The following MGLL variants were observed in gnomAD, a reference collection of about 807,000 sequenced individuals.
MGLL encodes monoglyceride lipase, also known as lysophospholipase homolog.
A neutral mutation model predicts 29.1 loss-of-function variants in MGLL; 7 were observed. That is an observed-to-expected ratio of 0.24 (90% CI 0.14 to 0.45). MGLL has a LOEUF of 0.45. Among genes scored for constraint, MGLL ranks in the 20% least tolerant of loss-of-function variants. MGLL has a pLI of 0.99. For synonymous variants in MGLL, 148 were observed against 168.3 expected, an observed-to-expected ratio of 0.88 and a Z score of 0.93; for missense variants, 356 against 413.6, an observed-to-expected ratio of 0.86 and a Z score of 1.21.
chr3:127,817,772 C>T (rs752895845), intron 2 of MGLL, among the ~76,000 whole-genome samples: 3 of 152,230 alleles, frequency 2.0e-5, no homozygotes, highest in Non-Finnish European at 2.9e-5. Context: ...AACTTCTAGA[C>T]GTCTTTCTAT....
At chr3:127,719,824 C>T (rs976259689) in intron 5 of MGLL, among the ~76,000 whole-genome samples, 1 of 152,154 alleles carries the variant, frequency 6.6e-6, no homozygotes. Flanking sequence ...TCAGTAAGTC[C>T]GTGATTTCCT....
intron 3 of MGLL, among the ~76,000 whole-genome samples, chr3:127,775,921 T>C (rs1292088776): frequency 6.6e-6 from 1 of 152,236 alleles, no homozygotes; most frequent in Non-Finnish European, 1.5e-5. Flanking sequence ...TGGGTGAGAC[T>C]GGCCCTTCTG....
At chr3:127,716,059 G>A (rs917282556) in intron 5 of MGLL, 11 of 342,130 alleles carry the variant, frequency 3.2e-5, no homozygotes, top group Non-Finnish European at 5.8e-5. Flanking sequence ...TGTAACCACA[G>A]AGCTCCCAAT....
intron 2 of MGLL, chr3:127,783,791 T>C (rs2107712313): frequency 6.6e-6 from 1 of 152,362 alleles, no homozygotes; most frequent in African/African-American, 2.4e-5. Flanking sequence ...CCACCTGATA[T>C]TTCTGGGATT....
chr3:127,796,299 T>G (rs2107730349), intron 2 of MGLL, among the ~76,000 whole-genome samples: 1 of 152,338 alleles, frequency 6.6e-6, no homozygotes, highest in East Asian at 1.9e-4. Flanking sequence ...ATTATCTTCC[T>G]ACATTGGGCC....
chr3:127,711,105 G>A lies in MGLL; in HGVS notation c.511-440C>T, dbSNP rs60785610. ...GGGCAGTGCGGAAGGGCCCACAGGA[G>A]CCACACAGAGAAAGTGTGCGTCCAT... On this transcript the variant is annotated intron_variant, in intron 5 of 7. Coordinates refer to ENST00000265052, the MANE Select transcript of MGLL (RefSeq NM_007283.7). The A allele has an allele frequency of 3.5e-3, 803 of 228,008 alleles. 12 individuals carry two copies. Among genetic ancestry groups the A allele is most frequent in the African/African-American group, 0.017 (782 of 45,428 alleles). The allele number at this position is 228,008 out of a possible 1,614,324, so 14.1% of individuals were successfully genotyped here. A position where few individuals can be genotyped will look rare whatever the true frequency, so the allele number is the denominator to read the frequency against.
At chr3:127,809,122 T>C (rs1328273254) in intron 2 of MGLL, among the ~76,000 whole-genome samples, 1 of 151,818 alleles carries the variant, frequency 6.6e-6, no homozygotes, top group African/African-American at 2.4e-5. Flanking sequence ...CTGCAAGCAC[T>C]ATGCCCACAA....
chr3:127,758,543 G>C (rs1286584691), intron 3 of MGLL, among the ~76,000 whole-genome samples: 1 of 152,244 alleles, frequency 6.6e-6, no homozygotes, highest in Non-Finnish European at 1.5e-5. Context: ...GCCCAGGTCA[G>C]CTTGGCCCTC....
intron 3 of MGLL, among the ~76,000 whole-genome samples, chr3:127,768,922 G>T (rs1177371088): frequency 6.6e-6 from 1 of 152,240 alleles, no homozygotes; most frequent in Non-Finnish European, 1.5e-5. Context: ...GGGTGGTGCT[G>T]CTGCTGCTCC....
intron 5 of MGLL, among the ~76,000 whole-genome samples, chr3:127,720,129 A>G (rs1444238946): frequency 1.3e-5 from 2 of 152,200 alleles, no homozygotes; most frequent in African/African-American, 4.8e-5. Context: ...CATTATTTAA[A>G]TGATCCCACA....
intron 5 of MGLL, chr3:127,715,797 A>G (rs939589349): frequency 4.4e-6 from 2 of 456,652 alleles, no homozygotes. Flanking sequence ...GCTCTCCCAC[A>G]ACCTCCATCC....
chr3:127,747,888 C>T (rs1254701841), intron 3 of MGLL, among the ~76,000 whole-genome samples: 1 of 152,196 alleles, frequency 6.6e-6, no homozygotes, highest in African/African-American at 2.4e-5. Flanking sequence ...GACTCAGCCA[C>T]ATCCTAGGGA....
chr3:127,718,151 T>C (rs1300637813), intron 5 of MGLL, among the ~76,000 whole-genome samples: 1 of 149,052 alleles, frequency 6.7e-6, no homozygotes, highest in African/African-American at 2.5e-5. Flanking sequence ...CGTTCTCACA[T>C]TGCAGGGGGT....
chr3:127,768,419 G>T (rs1185476051), intron 3 of MGLL, among the ~76,000 whole-genome samples: 2 of 152,192 alleles, frequency 1.3e-5, no homozygotes, highest in Non-Finnish European at 2.9e-5. Flanking sequence ...TGATGCCAAA[G>T]CCCGTGTGTC....
chr3:127,764,704 T>C (rs2076826190), intron 3 of MGLL, among the ~76,000 whole-genome samples: 2 of 152,242 alleles, frequency 1.3e-5, no homozygotes, highest in South Asian at 2.1e-4. Context: ...CTCCATGCCG[T>C]AGGTAATATC....
intron 2 of MGLL, among the ~76,000 whole-genome samples, chr3:127,817,456 G>A (rs1040074542): frequency 6.6e-6 from 1 of 152,214 alleles, no homozygotes; most frequent in Non-Finnish European, 1.5e-5. Flanking sequence ...GGCATGAGCC[G>A]GTGGATGGAC....
intron 3 of MGLL, among the ~76,000 whole-genome samples, chr3:127,779,310 T>C (rs1355721536): frequency 2.0e-5 from 3 of 152,048 alleles, no homozygotes; most frequent in African/African-American, 7.2e-5. Context: ...GAGGTTGCAG[T>C]GAGTTGAGAT....
chr3:127,726,322 GAA>G (rs2076046280), intron 3 of MGLL, among the ~76,000 whole-genome samples: 1 of 145,846 alleles, frequency 6.9e-6, no homozygotes, highest in Non-Finnish European at 1.5e-5. Flanking sequence ...GAAAGAAAGA[GAA>G]AGAAAGAAAG....
rs185211194 is a variant in MGLL, at chr3:127,821,805, C to T, written c.44G>A (p.Ser15Asn). The stretch of plus-strand genomic sequence containing the variant: ...GCTCTGCGGGGTCCGCCTGGGGGAA[C>T]TTTCCTCTGGCATGCTGGAAGGGTC... ...PEDPSSMPEE[S>N]SPRRTPQSIP... The change falls in exon 2 of 8, where the codon AGT becomes AAT. Residue 15 changes from serine to asparagine, a missense_variant. Physicochemically the swap from Ser to Asn is conservative, Grantham distance 46. Transcript: ENST00000265052. 1.9e-6 allele frequency: 3 copies of T among 1,614,126 alleles called. No homozygotes were observed. Among genetic ancestry groups the T allele is most frequent in the South Asian group, 1.1e-5 (1 of 91,076 alleles).
Sources: allele counts gnomAD v4.1 joint callset (sites outside exome capture counted in the v4.1 genomes callset), GRCh38; gene constraint gnomAD v4.1.1; transcripts MANE v1.5; gene names NCBI Gene and HGNC (gene_info 2026-07-23, HGNC 2026-07-21).